ANO3: variants seen among roughly 807,000 people sequenced by gnomAD.
ANO3 encodes anoctamin-3.
Under a neutral mutation model 144.8 loss-of-function variants are expected in ANO3, and 99 were observed. The ratio of observed to expected loss-of-function variants is 0.68; its 90% CI spans 0.58 to 0.81. ANO3 has a LOEUF of 0.81. Ranked by LOEUF, ANO3 falls within the 30% of genes least tolerant of loss-of-function variation. The pLI is 0.00. For synonymous variants in ANO3, 414 were observed against 392.6 expected (o/e 1.05, Z -0.64); for missense variants, 905 against 1,202.2 (o/e 0.75, Z 3.66).
At chr11:26,490,237 T>C (rs1388631900) in intron 4 of ANO3, among the ~76,000 whole-genome samples, 1 of 152,178 alleles carries the variant, frequency 6.6e-6, no homozygotes, top group Non-Finnish European at 1.5e-5. Context: ...TTCTTCCTTG[T>C]TTTTCTGTTG....
At chr11:26,349,086 C>T (rs1855569430) in intron 1 of ANO3, among the ~76,000 whole-genome samples, 2 of 152,164 alleles carry the variant, frequency 1.3e-5, no homozygotes, top group Admixed American at 1.3e-4. Context: ...CTTCTTATTA[C>T]TACATGGATG....
chr11:26,519,005 G>A (rs1235118476), intron 6 of ANO3, among the ~76,000 whole-genome samples: 1 of 152,040 alleles, frequency 6.6e-6, no homozygotes, highest in Non-Finnish European at 1.5e-5. Context: ...ACAAGAAAAT[G>A]ACCTGTTTTC....
chr11:26,533,717 T>A (rs925125505), intron 8 of ANO3, among the ~76,000 whole-genome samples: 2 of 152,134 alleles, frequency 1.3e-5, no homozygotes, highest in African/African-American at 4.8e-5. Context: ...AGAGACAGTT[T>A]AGTCAGAAAA....
intron 17 of ANO3, among the ~76,000 whole-genome samples, chr11:26,608,512 G>A (rs1296886639): frequency 6.6e-6 from 1 of 152,228 alleles, no homozygotes; most frequent in Non-Finnish European, 1.5e-5. Flanking sequence ...CAGTCTTCTC[G>A]GCTGCCTGGA....
rs551203499 is a variant in ANO3 at position 26,409,667 on chromosome 11, G to A, written c.47-32251G>A. Among the ~76,000 whole-genome samples, 7 of 152,036 alleles carry A rather than the reference G, an allele frequency of 4.6e-5. No individual in the cohort carries two copies. In the East Asian group the frequency reaches 5.8e-4, roughly 13 times the overall value. On this transcript the variant is annotated intron_variant, in intron 1 of 26. Coordinates refer to ENST00000256737, the MANE Select transcript of ANO3 (RefSeq NM_031418.4). ...TCATATTCATCAAAATAGAAATTAC[G>A]ATGAAAGAAATGAGTATCATCTACT...
At chr11:26,341,085 C>G (rs1430686153) in intron 1 of ANO3, among the ~76,000 whole-genome samples, 4 of 152,010 alleles carry the variant, frequency 2.6e-5, no homozygotes, top group Non-Finnish European at 5.9e-5. Flanking sequence ...ACCTCCCCTC[C>G]CCTCCCCGCT....
intron 24 of ANO3, among the ~76,000 whole-genome samples, chr11:26,652,861 A>G (rs7947969): frequency 0.54 from 82,632 of 152,070 alleles, 23,836 homozygotes; most frequent in South Asian, 0.72. Context: ...CCCACTGGTC[A>G]ACTCCAGTTC....
chr11:26,644,830 C>T (rs1366216148), intron 23 of ANO3, among the ~76,000 whole-genome samples: 4 of 151,608 alleles, frequency 2.6e-5, no homozygotes, highest in African/African-American at 9.7e-5. Context: ...CACACACACA[C>T]ACACACACAC....
upstream of ANO3, among the ~76,000 whole-genome samples, chr11:26,329,335 G>C (rs946920463): frequency 1.9e-3 from 274 of 146,944 alleles, 2 homozygotes; most frequent in East Asian, 0.014. Flanking sequence ...CACAGAGAGA[G>C]AGAGAGAGAG....
At chr11:26,215,844 C>G (rs1852025704) in intron 1 of ANO3, among the ~76,000 whole-genome samples, 1 of 151,990 alleles carries the variant, frequency 6.6e-6, no homozygotes, top group Non-Finnish European at 1.5e-5. Flanking sequence ...TTTTCTGTAA[C>G]TTCCCACAGC....
chr11:26,593,870 TC>T (rs539057030), intron 14 of ANO3, among the ~76,000 whole-genome samples: 110 of 152,284 alleles, frequency 7.2e-4, no homozygotes, highest in Non-Finnish European at 1.3e-3. Flanking sequence ...ATCCTGTTCG[TC>T]CCGTTCCGCC....
At chr11:26,331,600 G>A (rs994545116), upstream of ANO3, 1 of 152,158 alleles carries the variant, frequency 6.6e-6, no homozygotes, top group African/African-American at 2.4e-5. Flanking sequence ...GGTTATAAAT[G>A]GTCCTCAGTC....
chr11:26,640,901 A>G (rs1590666126), intron 21 of ANO3, among the ~76,000 whole-genome samples: 1 of 151,896 alleles, frequency 6.6e-6, no homozygotes, highest in Non-Finnish European at 1.5e-5. Context: ...CTCAACTCTC[A>G]CCTCCAGCCC....
chr11:26,559,835 TACACAC>T lies in ANO3; in HGVS notation c.1447+91_1447+96del, dbSNP rs71047866. On this transcript the variant is annotated intron_variant, in intron 14 of 26. Coordinates refer to ENST00000256737, the MANE Select transcript of ANO3 (RefSeq NM_031418.4). ...TTATTTTCTGAAGCTGTTTCTGTGT[TACACAC>T]ACACACACACACACACACACACACA... 24,431 of 656,772 alleles carry T rather than the reference TACACAC, an allele frequency of 0.037. 72 individuals are homozygous for T. Among genetic ancestry groups the T allele is most frequent in the African/African-American group, 0.059 (3,166 of 54,026 alleles). 40.7% of individuals were successfully genotyped at this position (656,772 alleles called of 1,614,324 possible). A position where few individuals can be genotyped will look rare whatever the true frequency, so the allele number is the denominator to read the frequency against.
intron 17 of ANO3, among the ~76,000 whole-genome samples, chr11:26,616,619 C>T (rs1047514773): frequency 1.3e-5 from 2 of 152,042 alleles, no homozygotes; most frequent in African/African-American, 2.4e-5. Flanking sequence ...ACAGAAACTC[C>T]AGGTCCAAGA....
intron 4 of ANO3, among the ~76,000 whole-genome samples, chr11:26,480,323 TGTGTAA>T (rs1241878636): frequency 6.6e-6 from 1 of 152,198 alleles, no homozygotes; most frequent in Admixed American, 6.5e-5. Context: ...TGGTCTTCCA[TGTGTAA>T]TTCTTTAGAA....
intron 3 of ANO3, among the ~76,000 whole-genome samples, chr11:26,462,268 A>G (rs931786934): frequency 3.9e-5 from 6 of 151,978 alleles, no homozygotes; most frequent in Admixed American, 3.3e-4. Context: ...AGGGCTAAAT[A>G]TATAGCAATC....
At chr11:26,654,302 G>T (rs1488473121) in intron 24 of ANO3, among the ~76,000 whole-genome samples, 1 of 152,058 alleles carries the variant, frequency 6.6e-6, no homozygotes, top group Non-Finnish European at 1.5e-5. Flanking sequence ...TTGGTTGTTT[G>T]TTTTTAGATC....
At chr11:26,337,338 A>C (rs1374304651) in intron 1 of ANO3, among the ~76,000 whole-genome samples, 1 of 152,226 alleles carries the variant, frequency 6.6e-6, no homozygotes, top group African/African-American at 2.4e-5. Flanking sequence ...CTACTTAGTA[A>C]GGGAGAGAAG....
Sources: gnomAD v4.1 joint callset for allele counts (sites outside exome capture counted in the v4.1 genomes callset) on GRCh38, gnomAD v4.1.1 for gene constraint, MANE v1.5 for transcripts, NCBI Gene and HGNC (gene_info 2026-07-23, HGNC 2026-07-21) for gene names.